Variants in CEP128 observed in about 807,000 individuals in gnomAD.
The protein encoded by CEP128 is centrosomal protein 128.
Under a neutral mutation model 156.7 loss-of-function variants are expected in CEP128, and 132 were observed. The observed-to-expected ratio is 0.84, with a 90% confidence interval of 0.73 to 0.97. The LOEUF (loss-of-function observed/expected upper bound fraction) is 0.97. Among genes scored for constraint, CEP128 ranks in the 50% least tolerant of loss-of-function variants. The pLI is 0.00. For missense variants in CEP128, 1,252 were observed against 1,281.9 expected, an observed-to-expected ratio of 0.98 and a Z score of 0.36; for synonymous variants, 469 against 448.9, an observed-to-expected ratio of 1.04 and a Z score of -0.57.
intron 13 of CEP128, among the ~76,000 whole-genome samples, chr14:80,824,323 T>C (rs1885355557): frequency 6.6e-6 from 1 of 152,216 alleles, no homozygotes; most frequent in Admixed American, 6.5e-5. Context: ...TTTTGGGGTT[T>C]AACATTTGGC....
In CEP128 at chr14:80,595,965, C is replaced by T. The variant is rs370970361; in HGVS notation, c.2807-15542G>A. ...CCCCCATGATTTAATTATCTCTCAC[C>T]GTGTCCCTCCCAGAACAAATGGAAA... On this transcript the variant is annotated intron_variant, in intron 19 of 24. Coordinates refer to ENST00000555265, the MANE Select transcript of CEP128 (RefSeq NM_152446.5). Among the ~76,000 whole-genome samples the T allele has an allele frequency of 6.6e-5, 10 of 151,548 alleles. No individual in the cohort carries two copies. In the East Asian group the frequency reaches 1.2e-3, roughly 18 times the overall value.
intron 23 of CEP128, among the ~76,000 whole-genome samples, chr14:80,515,328 G>A (rs1464474998): frequency 6.6e-6 from 1 of 152,132 alleles, no homozygotes; most frequent in African/African-American, 2.4e-5. Context: ...TGCCATCCAG[G>A]AGCCAGGGCC....
At chr14:80,657,584 G>A (rs1895229751) in intron 19 of CEP128, among the ~76,000 whole-genome samples, 1 of 151,472 alleles carries the variant, frequency 6.6e-6, no homozygotes, top group Admixed American at 6.6e-5. Context: ...CCAGGAGTAA[G>A]AGGTCATGGC....
intron 8 of CEP128, among the ~76,000 whole-genome samples, chr14:80,879,120 C>T (rs1294623357): frequency 6.6e-6 from 1 of 152,158 alleles, no homozygotes; most frequent in Non-Finnish European, 1.5e-5. Flanking sequence ...GAGACTACAA[C>T]ACTGCACTAA....
At chr14:80,884,602 C>T (rs1177388726) in intron 8 of CEP128, among the ~76,000 whole-genome samples, 1 of 152,128 alleles carries the variant, frequency 6.6e-6, no homozygotes, top group African/African-American at 2.4e-5. Context: ...AGGGACTGTG[C>T]TGTGAGGGAC....
At chr14:80,894,558 A>T (rs1000421896) in intron 8 of CEP128, 11 of 440,402 alleles carry the variant, frequency 2.5e-5, no homozygotes, top group South Asian at 1.2e-4. Flanking sequence ...GCAAAAAAAA[A>T]ATATATCTTG....
At chr14:80,948,479 G>T (rs1412565495) in intron 2 of CEP128, among the ~76,000 whole-genome samples, 1 of 152,106 alleles carries the variant, frequency 6.6e-6, no homozygotes, top group African/African-American at 2.4e-5. Flanking sequence ...AACCAAAATT[G>T]CAAAACATTT....
chr14:80,635,107 T>A (rs1009779017), intron 19 of CEP128, among the ~76,000 whole-genome samples: 2 of 152,220 alleles, frequency 1.3e-5, no homozygotes, highest in Non-Finnish European at 2.9e-5. Flanking sequence ...TTTGGCCTGC[T>A]CGTTCTAGCT....
chr14:80,763,779 G>A (rs1900088483), intron 16 of CEP128, among the ~76,000 whole-genome samples: 1 of 151,944 alleles, frequency 6.6e-6, no homozygotes, highest in Admixed American at 6.6e-5. Context: ...AACATTTTTT[G>A]AAGACACAAA....
At chr14:80,498,857 A>C (rs189507992) in intron 24 of CEP128, among the ~76,000 whole-genome samples, 134 of 152,370 alleles carry the variant, frequency 8.8e-4, no homozygotes, top group African/African-American at 3.1e-3. Flanking sequence ...TACTGGTTGA[A>C]CAACTGAATA....
chr14:80,561,515 G>A (rs1258441471), intron 20 of CEP128, among the ~76,000 whole-genome samples: 1 of 152,140 alleles, frequency 6.6e-6, no homozygotes, highest in Non-Finnish European at 1.5e-5. Context: ...CTTATACAGA[G>A]AGAAACAGCC....
At chr14:80,942,845 A>T (rs779655517), upstream of CEP128, among the ~76,000 whole-genome samples, 2 of 151,422 alleles carry the variant, frequency 1.3e-5, no homozygotes, top group Non-Finnish European at 2.9e-5. Flanking sequence ...CTCCCTCCCA[A>T]CAGGCAGAGT....
At chr14:80,535,632 C>CAT (rs924007197) in intron 21 of CEP128, among the ~76,000 whole-genome samples, 2 of 150,744 alleles carry the variant, frequency 1.3e-5, no homozygotes, top group Admixed American at 1.3e-4. Context: ...CACACACACA[C>CAT]ATGGGGTCTG....
At chr14:80,733,339 C>T (rs1290164080) in intron 19 of CEP128, among the ~76,000 whole-genome samples, 1 of 140,136 alleles carries the variant, frequency 7.1e-6, no homozygotes, top group East Asian at 2.2e-4. Context: ...CCACATGGGT[C>T]GTGTGTGTGT....
At chr14:80,831,588 C>T (rs922174103) in intron 12 of CEP128, among the ~76,000 whole-genome samples, 4 of 150,520 alleles carry the variant, frequency 2.7e-5, no homozygotes, top group African/African-American at 9.8e-5. Flanking sequence ...TTCCTCACAT[C>T]TCTACACTAT....
At chr14:80,811,818 TTAGATAGA>T (rs61046137) in intron 13 of CEP128, among the ~76,000 whole-genome samples, 2 of 149,516 alleles carry the variant, frequency 1.3e-5, no homozygotes, top group African/African-American at 2.5e-5. Context: ...CACGCATGTA[TTAGATAGA>T]TAGATAGATA....
intron 2 of CEP128, among the ~76,000 whole-genome samples, chr14:80,926,920 G>A (rs1159698179): frequency 6.6e-6 from 1 of 152,148 alleles, no homozygotes; most frequent in East Asian, 1.9e-4. Context: ...AACACACTAA[G>A]GCTATTTATA....
intron 19 of CEP128, among the ~76,000 whole-genome samples, chr14:80,709,842 GT>G (rs567400387): frequency 6.6e-6 from 1 of 151,844 alleles, no homozygotes; most frequent in African/African-American, 2.4e-5. Flanking sequence ...TTATCAGTAG[GT>G]TTTTTTCTGA....
At chr14:80,667,500 C>A (rs1460146325) in intron 19 of CEP128, among the ~76,000 whole-genome samples, 1 of 152,078 alleles carries the variant, frequency 6.6e-6, no homozygotes, top group Admixed American at 6.5e-5. Context: ...AGTTTTTGAA[C>A]CCAAATTCTA....
Sources: allele counts gnomAD v4.1 joint callset (sites outside exome capture counted in the v4.1 genomes callset), GRCh38; gene constraint gnomAD v4.1.1; transcripts MANE v1.5; gene names NCBI Gene and HGNC (gene_info 2026-07-23, HGNC 2026-07-21).